Variants in ST3GAL3 observed in about 807,000 individuals in gnomAD.
ST3GAL3 encodes the protein ST3 beta-galactoside alpha-2,3-sialyltransferase 3.
Under a neutral mutation model 50.1 loss-of-function variants are expected in ST3GAL3, and 21 were observed. That is an observed-to-expected ratio of 0.42 (90% CI 0.30 to 0.60). The LOEUF (loss-of-function observed/expected upper bound fraction) is 0.60, where lower values mean the gene tolerates loss of function less well. Among genes scored for constraint, ST3GAL3 ranks in the 20% least tolerant of loss-of-function variants. The probability of loss-of-function intolerance (pLI) is 0.19; values close to 1 mark genes in which losing one functional copy is unlikely to be tolerated. For synonymous variants in ST3GAL3, 183 were observed against 190.0 expected (o/e 0.96, Z 0.30); for missense variants, 353 against 489.4 (o/e 0.72, Z 2.63).
chr1:43,920,161 T>A, intron 9 of ST3GAL3: 14 of 558,510 alleles, frequency 2.5e-5, no homozygotes, highest in South Asian at 7.9e-5. Context: ...ACGACTCCCT[T>A]CGTATCCTCC....
At chr1:43,789,795 G>T (rs1266444130) in intron 2 of ST3GAL3, among the ~76,000 whole-genome samples, 3 of 151,772 alleles carry the variant, frequency 2.0e-5, no homozygotes, top group Admixed American at 2.0e-4. Flanking sequence ...GATCACTTGA[G>T]CCCAGGAATT....
intron 5 of ST3GAL3, among the ~76,000 whole-genome samples, chr1:43,877,871 T>A (rs1558691665): frequency 6.6e-6 from 1 of 152,242 alleles, no homozygotes; most frequent in Non-Finnish European, 1.5e-5. Context: ...TTCTCTGTCA[T>A]GTTGTCTCAC....
At chr1:43,773,233 G>C (rs1308411245) in intron 2 of ST3GAL3, among the ~76,000 whole-genome samples, 1 of 152,094 alleles carries the variant, frequency 6.6e-6, no homozygotes. Flanking sequence ...TCACTCCAGC[G>C]GGCGTGATTT....
At chr1:43,883,711 G>A (rs2075530277) in intron 5 of ST3GAL3, among the ~76,000 whole-genome samples, 1 of 152,174 alleles carries the variant, frequency 6.6e-6, no homozygotes. Flanking sequence ...TGGGGAGGGT[G>A]CCAGGCTGAA....
chr1:43,817,597 C>CTT (rs2061486256), intron 4 of ST3GAL3, among the ~76,000 whole-genome samples: 1 of 77,246 alleles, frequency 1.3e-5, no homozygotes, highest in African/African-American at 6.3e-5. Flanking sequence ...TTCTCCTCCT[C>CTT]CCTTCTCCTT....
At chr1:43,803,385 A>G (rs2059531359) in intron 3 of ST3GAL3, among the ~76,000 whole-genome samples, 1 of 152,106 alleles carries the variant, frequency 6.6e-6, no homozygotes, top group Non-Finnish European at 1.5e-5. Flanking sequence ...AAAAAAAAAA[A>G]AAGGAATGTG....
intron 5 of ST3GAL3, 188 bp from the exon 6 acceptor site, chr1:43,894,195 G>A (rs2077035898): frequency 1.5e-6 from 1 of 657,702 alleles, no homozygotes; most frequent in South Asian, 1.6e-5. Flanking sequence ...CTCAGACTCA[G>A]GCTCCACTGA....
chr1:43,850,855 CAG>C, intron 5 of ST3GAL3: 1 of 1,226,524 alleles, frequency 8.2e-7, no homozygotes, highest in Non-Finnish European at 1.2e-6. Flanking sequence ...CCCTGAAGGC[CAG>C]GGAACACAGC....
At chr1:43,722,864 A>G (rs1383180224) in intron 1 of ST3GAL3, among the ~76,000 whole-genome samples, 1 of 152,148 alleles carries the variant, frequency 6.6e-6, no homozygotes, top group Non-Finnish European at 1.5e-5. Flanking sequence ...TGGACTTGGA[A>G]CTCAGAAGGG....
At chr1:43,848,309 T>TC (rs931683340) in intron 5 of ST3GAL3, among the ~76,000 whole-genome samples, 2 of 146,482 alleles carry the variant, frequency 1.4e-5, no homozygotes, top group Non-Finnish European at 3.0e-5. Context: ...TTTTTTTTTT[T>TC]TTTTTTTGGC....
intron 3 of ST3GAL3, among the ~76,000 whole-genome samples, chr1:43,805,906 T>C (rs1293060075): frequency 2.0e-5 from 3 of 152,154 alleles, no homozygotes; most frequent in African/African-American, 7.2e-5. Flanking sequence ...CGGCTAATTT[T>C]TGTATTTTTA....
At chr1:43,715,212 A>G (rs1476094399) in intron 1 of ST3GAL3, among the ~76,000 whole-genome samples, 2 of 152,092 alleles carry the variant, frequency 1.3e-5, no homozygotes, top group Admixed American at 6.6e-5. Flanking sequence ...AATAACTTTC[A>G]TGTTTGTGAG....
intron 11 of ST3GAL3, among the ~76,000 whole-genome samples, chr1:43,923,793 T>G (rs529021146): frequency 2.6e-5 from 4 of 152,110 alleles, no homozygotes; most frequent in African/African-American, 9.6e-5. Context: ...TTTTTTATTT[T>G]TTGTAGGGAT....
intron 1 of ST3GAL3, among the ~76,000 whole-genome samples, chr1:43,710,634 C>A (rs1354221126): frequency 6.6e-6 from 1 of 152,206 alleles, no homozygotes; most frequent in East Asian, 1.9e-4. Context: ...GTTATATTTT[C>A]CAGGTCAATG....
At chr1:43,835,934 T>G (rs1010656473) in intron 4 of ST3GAL3, among the ~76,000 whole-genome samples, 1 of 152,232 alleles carries the variant, frequency 6.6e-6, no homozygotes, top group African/African-American at 2.4e-5. Context: ...CTGACTGTGT[T>G]GACCACTCCT....
chr1:43,748,203 CA>C (rs948481827), intron 2 of ST3GAL3, among the ~76,000 whole-genome samples: 2 of 151,742 alleles, frequency 1.3e-5, no homozygotes, highest in African/African-American at 4.8e-5. Context: ...TGGAAGCACA[CA>C]AATAGAAAAT....
At chr1:43,883,999 T>A (rs2075574161) in intron 5 of ST3GAL3, among the ~76,000 whole-genome samples, 1 of 152,202 alleles carries the variant, frequency 6.6e-6, no homozygotes, top group South Asian at 2.1e-4. Context: ...GAATATAGAA[T>A]GTGGACATAT....
chr1:43,921,039 A>C (rs1166749759), intron 11 of ST3GAL3, 111 bp downstream of exon 11: 8 of 1,328,940 alleles, frequency 6.0e-6, no homozygotes, highest in Non-Finnish European at 8.3e-6. Flanking sequence ...AACTCCCCAG[A>C]AGGTCCTGAC....
intron 9 of ST3GAL3, among the ~76,000 whole-genome samples, chr1:43,910,614 G>A (rs931979750): frequency 1.3e-5 from 2 of 152,236 alleles, no homozygotes; most frequent in Admixed American, 6.5e-5. Flanking sequence ...AGGAGTGAGA[G>A]TGTTGGCGAG....
Sources: gnomAD v4.1 joint callset for allele counts (sites outside exome capture counted in the v4.1 genomes callset) on GRCh38, gnomAD v4.1.1 for gene constraint, MANE v1.5 for transcripts, NCBI Gene and HGNC (gene_info 2026-07-23, HGNC 2026-07-21) for gene names.